PPARGC1B: variants seen among roughly 807,000 people sequenced by gnomAD.
PPARGC1B encodes PPARG coactivator 1 beta.
In PPARGC1B, 34 loss-of-function variants were observed where a neutral mutation model predicts 101.6. The ratio of observed to expected loss-of-function variants is 0.33; its 90% CI spans 0.25 to 0.45. The LOEUF is 0.45. Ranked by LOEUF, PPARGC1B falls within the 20% of genes least tolerant of loss-of-function variation. PPARGC1B has a pLI of 1.00. For synonymous variants in PPARGC1B, 548 were observed against 539.3 expected, an observed-to-expected ratio of 1.02 and a Z score of -0.22; for missense variants, 1,234 against 1,317.6, an observed-to-expected ratio of 0.94 and a Z score of 0.98.
At chr5:149,825,310 G>A (rs1162852676) in intron 2 of PPARGC1B, among the ~76,000 whole-genome samples, 2 of 152,256 alleles carry the variant, frequency 1.3e-5, no homozygotes, top group African/African-American at 4.8e-5. Context: ...GCCTCCAGGA[G>A]CCTCTGTGTC....
At position 149,730,486 on chromosome 5, in the gene PPARGC1B, C is replaced by T; in HGVS notation, c.78+66C>T. On this transcript the variant is annotated intron_variant, in intron 1 of 11. Transcript: ENST00000309241. The surrounding 1 kb of genome is among the most constrained non-coding windows in gnomAD (Gnocchi z 4.0). ...TGAGCTGCGGGGGCCGCAGCTGCAG[C>T]CGCGGAGGCCGGGAGGCAGCGGTGG... The T allele has an allele frequency of 7.5e-7, 1 of 1,326,536 alleles. No homozygotes were observed. The highest frequency in any genetic ancestry group is 1.0e-6 in the Non-Finnish European group (1 of 987,166). The allele number at this position is 1,326,536 out of a possible 1,614,324, so 82.2% of individuals were successfully genotyped here. A position where few individuals can be genotyped will look rare whatever the true frequency, so the allele number is the denominator to read the frequency against.
At chr5:149,786,433 T>C (rs1478994127) in intron 1 of PPARGC1B, among the ~76,000 whole-genome samples, 1 of 151,992 alleles carries the variant, frequency 6.6e-6, no homozygotes, top group African/African-American at 2.4e-5. Flanking sequence ...AGTTTTGTTT[T>C]GCCATGTTGC....
intron 1 of PPARGC1B, among the ~76,000 whole-genome samples, chr5:149,795,813 T>C (rs1757193345): frequency 1.3e-5 from 2 of 151,166 alleles, no homozygotes; most frequent in South Asian, 2.1e-4. Flanking sequence ...ATCTTTTTTT[T>C]TCACAGTATA....
At chr5:149,758,011 G>A (rs573641441) in intron 1 of PPARGC1B, among the ~76,000 whole-genome samples, 16 of 152,350 alleles carry the variant, frequency 1.1e-4, no homozygotes, top group Non-Finnish European at 1.8e-4. Flanking sequence ...TAGTAACAGC[G>A]TGAGTAATGG....
At chr5:149,731,018 G>A (rs116599461) in intron 1 of PPARGC1B, among the ~76,000 whole-genome samples, 2,338 of 152,382 alleles carry the variant, frequency 0.015, 68 homozygotes, top group African/African-American at 0.054. Flanking sequence ...GCGTCTTCCT[G>A]GTTTCGCTAT....
Position 149,826,968 on chromosome 5 carries a change from G to A in PPARGC1B, c.465+83G>A, listed in dbSNP as rs45560442. ...CAGGGCATGGGGTGCAGAGCAATCCGCTCCAGCCCCGCAGGGGACTCCGTG... is the reference window on the plus strand; with the variant it reads ...CAGGGCATGGGGTGCAGAGCAATCCACTCCAGCCCCGCAGGGGACTCCGTG... On this transcript the variant is annotated intron_variant, in intron 3 of 11. Coordinates refer to ENST00000309241, the MANE Select transcript of PPARGC1B (RefSeq NM_133263.4). 55,720 of 1,074,650 alleles carry A rather than the reference G, an allele frequency of 0.052. 2,491 individuals carry two copies. Among genetic ancestry groups the A allele is most frequent in the Admixed American group, 0.21 (9,906 of 46,622 alleles). The allele number at this position is 1,074,650 out of a possible 1,614,324, so 66.6% of individuals were successfully genotyped here. A position where few individuals can be genotyped will look rare whatever the true frequency, so the allele number is the denominator to read the frequency against.
intron 1 of PPARGC1B, among the ~76,000 whole-genome samples, chr5:149,765,998 A>C (rs1311253276): frequency 6.6e-6 from 1 of 152,168 alleles, no homozygotes; most frequent in African/African-American, 2.4e-5. Context: ...TAAGGCTGTT[A>C]TTTTAATAAG....
intron 1 of PPARGC1B, among the ~76,000 whole-genome samples, chr5:149,769,428 G>C (rs760009923): frequency 6.6e-6 from 1 of 152,156 alleles, no homozygotes; most frequent in African/African-American, 2.4e-5. Flanking sequence ...ATATGCTGCC[G>C]GAGCCAGGCG....
chr5:149,746,097 T>C (rs1045819084), intron 1 of PPARGC1B, among the ~76,000 whole-genome samples: 2 of 152,178 alleles, frequency 1.3e-5, no homozygotes, highest in African/African-American at 4.8e-5. Flanking sequence ...CCATCCCAGC[T>C]CTGTGTGCTG....
intron 1 of PPARGC1B, among the ~76,000 whole-genome samples, chr5:149,787,755 A>T (rs1756866707): frequency 6.6e-6 from 1 of 152,196 alleles, no homozygotes; most frequent in Admixed American, 6.5e-5. Context: ...GGACTGGGCT[A>T]TGAGCACCCT....
rs1266435535 is a variant in PPARGC1B at position 149,842,959 on chromosome 5, A to G, written c.2816+582A>G. 1.3e-5 allele frequency among the ~76,000 whole-genome samples: 2 copies of G among 152,200 alleles called. 1 individual carries two copies. On this transcript the variant is annotated intron_variant, in intron 10 of 11. Transcript: ENST00000309241. ...AAGGCAGGCAGATCACTTGAGGTCA[A>G]GAGTTCAAGACCAGCCTGGCCAACA...
chr5:149,838,883 G>A (rs986794406), intron 8 of PPARGC1B, among the ~76,000 whole-genome samples: 6 of 152,200 alleles, frequency 3.9e-5, no homozygotes, highest in South Asian at 2.1e-4. Flanking sequence ...CAGAAAGCAC[G>A]TTAAGCTGGG....
chr5:149,841,523 C>T (rs1346435377), intron 9 of PPARGC1B, among the ~76,000 whole-genome samples: 1 of 152,192 alleles, frequency 6.6e-6, no homozygotes, highest in East Asian at 1.9e-4. Context: ...GTTTCCAGAG[C>T]AAGCCTGTCC....
rs1328264067 is a variant in PPARGC1B, at chr5:149,837,817, G to A, written c.2618+744G>A. The stretch of plus-strand genomic sequence containing the variant: ...CCTGGGGAAGGCTTGAGGACAGTCA[G>A]TGTCATCATCCCCAGCCCTGTGTTG... On this transcript the variant is annotated intron_variant, in intron 8 of 11. Coordinates refer to ENST00000309241, the MANE Select transcript of PPARGC1B (RefSeq NM_133263.4). This position sits in a 1 kb window ranked among gnomAD's most constrained non-coding sequence, Gnocchi z 4.2. Among the ~76,000 whole-genome samples, 1 of 152,224 alleles carries A rather than the reference G, an allele frequency of 6.6e-6. No homozygotes were observed. The highest frequency in any genetic ancestry group is 2.4e-5 in the African/African-American group (1 of 41,458).
chr5:149,837,118 C>T lies in PPARGC1B; in HGVS notation c.2618+45C>T, dbSNP rs763912217. 1 of 1,541,290 alleles carries T rather than the reference C, an allele frequency of 6.5e-7. No individual in the cohort carries two copies. Among genetic ancestry groups the T allele is most frequent in the African/African-American group, 1.4e-5 (1 of 72,666 alleles). On this transcript the variant is annotated intron_variant, in intron 8 of 11. Transcript: ENST00000309241. The surrounding 1 kb of genome is among the most constrained non-coding windows in gnomAD (Gnocchi z 4.2). ...GGAGAGGCAGCGGGCAGTGGAGGAT[C>T]CCAGTTCCCGGGGAGCCAGGAGCCC... is the stretch of plus-strand genomic sequence containing the variant.
intron 2 of PPARGC1B, 147 bp downstream of exon 2, chr5:149,820,753 G>C: frequency 1.3e-6 from 1 of 789,944 alleles, no homozygotes; most frequent in Non-Finnish European, 2.0e-6. Context: ...CCGGTTTCTC[G>C]TGCTGGATGG....
intron 5 of PPARGC1B, among the ~76,000 whole-genome samples, chr5:149,834,409 C>CTG (rs1758956722): frequency 6.6e-6 from 1 of 152,270 alleles, no homozygotes; most frequent in South Asian, 2.1e-4. Flanking sequence ...TTCTTCCTCA[C>CTG]TGTGCTACAC....
chr5:149,795,412 A>G (rs1374418498), intron 1 of PPARGC1B, among the ~76,000 whole-genome samples: 1 of 152,158 alleles, frequency 6.6e-6, no homozygotes, highest in African/African-American at 2.4e-5. Flanking sequence ...AGTGGCTGTC[A>G]AGGTCTTTTT....
intron 5 of PPARGC1B, among the ~76,000 whole-genome samples, chr5:149,834,086 T>C (rs758529468): frequency 1.3e-5 from 2 of 152,212 alleles, no homozygotes; most frequent in Non-Finnish European, 2.9e-5. Flanking sequence ...CAATAGGTAC[T>C]GTAAAGAAGA....
Sources: allele counts gnomAD v4.1 joint callset (sites outside exome capture counted in the v4.1 genomes callset), GRCh38; gene constraint gnomAD v4.1.1; non-coding constraint Gnocchi (gnomAD v3.1); transcripts MANE v1.5; gene names NCBI Gene and HGNC (gene_info 2026-07-23, HGNC 2026-07-21).